The following PARP11 variants were observed in gnomAD, a reference collection of about 807,000 sequenced individuals.
PARP11 encodes the protein protein mono-ADP-ribosyltransferase PARP11.
Under a neutral mutation model 42.9 loss-of-function variants are expected in PARP11, and 31 were observed. The observed-to-expected ratio is 0.72, with a 90% CI of 0.54 to 0.98. The LOEUF (loss-of-function observed/expected upper bound fraction) is 0.98, where lower values mean the gene tolerates loss of function less well. Among genes scored for constraint, PARP11 ranks in the 50% least tolerant of loss-of-function variants. The pLI is 0.00. For synonymous variants in PARP11, 137 were observed against 127.3 expected, an observed-to-expected ratio of 1.08 and a Z score of -0.51; for missense variants, 365 against 413.1, an observed-to-expected ratio of 0.88 and a Z score of 1.01.
chr12:3,853,445 C>T (rs1948135404), intron 1 of PARP11, among the ~76,000 whole-genome samples: 2 of 152,050 alleles, frequency 1.3e-5, no homozygotes, highest in African/African-American at 4.8e-5. Flanking sequence ...GGAAGATCTA[C>T]CAAGCAAATG....
In PARP11 at chr12:3,809,055, T is replaced by C. The variant is rs1947122674; in HGVS notation, c.*3068A>G. On this transcript the variant is annotated 3_prime_UTR_variant, in exon 8 of 8. Transcript: ENST00000228820. ...TACCCTGAGGCTGATATCACCAAGGTGAAAAAGAAAAGTCATTATCAGCTG... is the reference window on the plus strand; with the variant it reads ...TACCCTGAGGCTGATATCACCAAGGCGAAAAAGAAAAGTCATTATCAGCTG... The C allele has an allele frequency of 6.6e-6, 1 of 152,096 alleles. No individual in the cohort carries two copies. Among genetic ancestry groups the C allele is most frequent in the Admixed American group, 6.5e-5 (1 of 15,278 alleles). 9.4% of individuals were successfully genotyped at this position (152,096 alleles called of 1,614,324 possible).
At chr12:3,816,142 C>T (rs1555133106) in intron 6 of PARP11, among the ~76,000 whole-genome samples, 2 of 152,116 alleles carry the variant, frequency 1.3e-5, no homozygotes, top group African/African-American at 2.4e-5. Context: ...TATGTTCTCA[C>T]TTTTTTTAAA....
In PARP11 at chr12:3,822,109, AT is replaced by A; in HGVS notation, c.392del (p.Asn131MetfsTer2). On this transcript the variant is annotated frameshift_variant, in exon 5 of 8. Transcript: ENST00000228820. LOFTEE classifies it high-confidence loss of function. ...CCTGATATGGTACTTGAGTATTCAC[AT>A]TCTCCCAGTGTGGTGGCATAGGGAT... is the stretch of plus-strand genomic sequence containing the variant. ...EAIPMPPHWE[N>X]VNTQVPYQLI... 1 of 1,614,068 alleles carries A rather than the reference AT, an allele frequency of 6.2e-7. No individual in the cohort carries two copies. The highest frequency in any genetic ancestry group is 8.5e-7 in the Non-Finnish European group (1 of 1,179,944).
At chr12:3,846,646 A>G (rs1239726408) in intron 1 of PARP11, among the ~76,000 whole-genome samples, 1 of 151,788 alleles carries the variant, frequency 6.6e-6, no homozygotes, top group Non-Finnish European at 1.5e-5. Flanking sequence ...AGTCCCAGCT[A>G]CTCGGGAGGC....
chr12:3,825,637 G>GA (rs1947502733), intron 4 of PARP11, among the ~76,000 whole-genome samples: 1 of 152,150 alleles, frequency 6.6e-6, no homozygotes, highest in Non-Finnish European at 1.5e-5. Flanking sequence ...ATACAAGAAG[G>GA]AAAAGGATAA....
intron 1 of PARP11, chr12:3,832,146 A>G (rs898675833): frequency 2.0e-6 from 2 of 980,246 alleles, no homozygotes; most frequent in African/African-American, 3.5e-5. Context: ...GTTATAAATG[A>G]AAGTGTTTCA....
intron 4 of PARP11, among the ~76,000 whole-genome samples, 179 bp from the exon 5 acceptor site, chr12:3,822,336 C>A (rs546248492): frequency 3.9e-5 from 6 of 151,960 alleles, no homozygotes; most frequent in African/African-American, 2.4e-5. Flanking sequence ...CGGTGGCTCA[C>A]GCCTGTAATC....
At chr12:3,822,491 C>G (rs916973890) in intron 4 of PARP11, among the ~76,000 whole-genome samples, 1 of 145,572 alleles carries the variant, frequency 6.9e-6, no homozygotes, top group South Asian at 2.2e-4. Flanking sequence ...CCCAGCTACT[C>G]GGGAGGCTGA....
chr12:3,861,148 T>C lies in PARP11; in HGVS notation c.18+12064A>G, dbSNP rs866677777. 7.2e-5 allele frequency among the ~76,000 whole-genome samples: 11 copies of C among 152,190 alleles called. No homozygotes were observed. Among genetic ancestry groups the C allele is most frequent in the Admixed American group, 2.6e-4 (4 of 15,282 alleles). On this transcript the variant is annotated intron_variant, in intron 1 of 7. Coordinates refer to ENST00000228820, the MANE Select transcript of PARP11 (RefSeq NM_020367.6). The surrounding 1 kb of genome is among the most constrained non-coding windows in gnomAD (Gnocchi z 4.6). The stretch of plus-strand genomic sequence containing the variant: ...GGTATCAGTTAAGACTCTGGGGTGA[T>C]TGGGATAAAATGAATGTAATTTGCA...
intron 1 of PARP11, chr12:3,872,423 T>C (rs985013747): frequency 1.7e-5 from 11 of 643,222 alleles, no homozygotes; most frequent in African/African-American, 2.0e-5. Flanking sequence ...GGAAAGGTAC[T>C]AAAGTTTTCG....
At chr12:3,841,271 G>A (rs780689893) in intron 1 of PARP11, 9 of 1,340,210 alleles carry the variant, frequency 6.7e-6, no homozygotes, top group Non-Finnish European at 9.7e-6. Flanking sequence ...AATATTCTTC[G>A]ATTCTTCTTC....
At chr12:3,822,741 G>C (rs1591763671) in intron 4 of PARP11, among the ~76,000 whole-genome samples, 1 of 149,074 alleles carries the variant, frequency 6.7e-6, no homozygotes, top group African/African-American at 2.5e-5. Context: ...TGTTTTTTTT[G>C]AAATTTCCAA....
At chr12:3,848,325 A>G (rs1377672904) in intron 1 of PARP11, among the ~76,000 whole-genome samples, 3 of 152,198 alleles carry the variant, frequency 2.0e-5, no homozygotes, top group African/African-American at 7.2e-5. Flanking sequence ...AAATTTATAT[A>G]GAACCACAAA....
chr12:3,813,890 T>C (rs1431327103), intron 7 of PARP11, 147 bp downstream of exon 7: 1 of 511,978 alleles, frequency 2.0e-6, no homozygotes, highest in Non-Finnish European at 3.2e-6. Flanking sequence ...CTAGTATCTA[T>C]TCTCGTACAC....
chr12:3,854,167 C>G (rs942317749), intron 1 of PARP11, among the ~76,000 whole-genome samples: 3 of 152,140 alleles, frequency 2.0e-5, no homozygotes, highest in African/African-American at 7.2e-5. Context: ...GCACTAAATG[C>G]CCACAAGAGA....
intron 1 of PARP11, among the ~76,000 whole-genome samples, chr12:3,848,389 A>G (rs893038084): frequency 8.5e-5 from 13 of 152,146 alleles, no homozygotes; most frequent in African/African-American, 3.1e-4. Context: ...GAGGCCTCAC[A>G]TTACCTGACT....
chr12:3,839,927 G>A (rs1452896705), intron 1 of PARP11: 1 of 1,130,694 alleles, frequency 8.8e-7, no homozygotes, highest in African/African-American at 1.5e-5. Flanking sequence ...GATGACAGCT[G>A]CAAGAGTAAA....
intron 1 of PARP11, among the ~76,000 whole-genome samples, chr12:3,849,946 G>A (rs73251490): frequency 0.012 from 1,843 of 151,936 alleles, 44 homozygotes; most frequent in African/African-American, 0.042. Context: ...TATGTATATC[G>A]ATTATGTATC....
chr12:3,865,196 T>C (rs1948369150), intron 1 of PARP11, among the ~76,000 whole-genome samples: 1 of 152,184 alleles, frequency 6.6e-6, no homozygotes, highest in South Asian at 2.1e-4. Flanking sequence ...CTTAATTCCA[T>C]TTAGGTCAGA....
Sources: allele counts gnomAD v4.1 joint callset (sites outside exome capture counted in the v4.1 genomes callset), GRCh38; gene constraint gnomAD v4.1.1; non-coding constraint Gnocchi (gnomAD v3.1); transcripts MANE v1.5; gene names NCBI Gene and HGNC (gene_info 2026-07-23, HGNC 2026-07-21).